NMNAT3: variants seen among roughly 807,000 people sequenced by gnomAD.
NMNAT3 encodes nicotinamide/nicotinic acid mononucleotide adenylyltransferase 3.
Under a neutral mutation model 24.8 loss-of-function variants are expected in NMNAT3, and 21 were observed. The ratio of observed to expected loss-of-function variants is 0.85; its 90% CI spans 0.60 to 1.22. NMNAT3 has a LOEUF of 1.22. Ranked by LOEUF, NMNAT3 falls within the 50% of genes most tolerant of loss-of-function variation. The probability of loss-of-function intolerance (pLI) is 0.00; values close to 1 mark genes in which losing one functional copy is unlikely to be tolerated. For synonymous variants in NMNAT3, 136 were observed against 155.2 expected (o/e 0.88, Z 0.92); for missense variants, 387 against 436.6 (o/e 0.89, Z 1.01).
At chr3:139,562,302 A>T (rs141811759) in intron 6 of NMNAT3, among the ~76,000 whole-genome samples, 24 of 152,246 alleles carry the variant, frequency 1.6e-4, no homozygotes, top group African/African-American at 5.5e-4. Context: ...TGCTGGTGGA[A>T]ATCTGTACCT....
chr3:139,672,898 GC>G (rs2057804677), intron 1 of NMNAT3, among the ~76,000 whole-genome samples: 1 of 152,184 alleles, frequency 6.6e-6, no homozygotes, highest in African/African-American at 2.4e-5. Context: ...CAGGCATGGT[GC>G]CCCTCTGGAG....
chr3:139,607,659 T>C (rs1293052230), intron 3 of NMNAT3, among the ~76,000 whole-genome samples: 1 of 17,696 alleles, frequency 5.7e-5, no homozygotes. Flanking sequence ...TCATTGTATA[T>C]TTAGTTTTCT....
chr3:139,645,707 A>G (rs994792685), intron 1 of NMNAT3, among the ~76,000 whole-genome samples: 10 of 152,174 alleles, frequency 6.6e-5, no homozygotes, highest in Non-Finnish European at 1.5e-5. Flanking sequence ...CACTGGCCAG[A>G]ACACTGTAAC....
At chr3:139,622,370 T>C (rs1483455515) in intron 3 of NMNAT3, among the ~76,000 whole-genome samples, 1 of 149,082 alleles carries the variant, frequency 6.7e-6, no homozygotes, top group East Asian at 2.0e-4. Context: ...TGATGGACGA[T>C]TGTATATTTT....
At chr3:139,664,339 C>T (rs139280021) in intron 1 of NMNAT3, among the ~76,000 whole-genome samples, 5 of 152,258 alleles carry the variant, frequency 3.3e-5, no homozygotes, top group East Asian at 1.9e-4. Flanking sequence ...TGCTAGACTA[C>T]GATTCCTCAT....
chr3:139,596,509 T>C (rs912355165), intron 3 of NMNAT3, among the ~76,000 whole-genome samples: 3 of 152,204 alleles, frequency 2.0e-5, no homozygotes, highest in Non-Finnish European at 2.9e-5. Flanking sequence ...TTTTTGTTTT[T>C]ACCTTATATT....
chr3:139,653,972 C>T (rs551702712), intron 1 of NMNAT3, among the ~76,000 whole-genome samples: 2 of 152,256 alleles, frequency 1.3e-5, no homozygotes, highest in South Asian at 4.1e-4. Context: ...GCCCTCTGAC[C>T]AGCGCTTCTG....
chr3:139,578,057 T>G (rs1472222575), intron 5 of NMNAT3, among the ~76,000 whole-genome samples: 1 of 152,150 alleles, frequency 6.6e-6, no homozygotes. Context: ...ACACAGCAAT[T>G]TGCAATCCCT....
intron 1 of NMNAT3, among the ~76,000 whole-genome samples, chr3:139,648,735 C>T (rs1402275739): frequency 6.6e-6 from 1 of 152,154 alleles, no homozygotes; most frequent in Non-Finnish European, 1.5e-5. Context: ...AAATTAGAGA[C>T]CCCACTGTCT....
chr3:139,669,478 GAAA>G lies in NMNAT3; in HGVS notation c.-141+8224_-141+8226del, dbSNP rs61403161. On this transcript the variant is annotated intron_variant, in intron 1 of 6. Coordinates refer to ENST00000643695, the MANE Select transcript of NMNAT3 (RefSeq NM_001320510.2). ...GGCAACAGAGTGAGACCCTGTCTCAGAAAAAAAAAAAAAAAAAAAAAAAAGATT... is the reference window on the plus strand; with the variant it reads ...GGCAACAGAGTGAGACCCTGTCTCAGAAAAAAAAAAAAAAAAAAAAAGATT... Among the ~76,000 whole-genome samples, 51 of 59,322 alleles carry G rather than the reference GAAA, an allele frequency of 8.6e-4. No individual in the cohort carries two copies. The East Asian group carries it at 0.024, about 28-fold the overall frequency. 38.9% of individuals were successfully genotyped at this position (59,322 alleles called of 152,430 possible). A position where few individuals can be genotyped will look rare whatever the true frequency, so the allele number is the denominator to read the frequency against.
At chr3:139,675,184 A>G (rs2057891813) in intron 1 of NMNAT3, among the ~76,000 whole-genome samples, 1 of 151,702 alleles carries the variant, frequency 6.6e-6, no homozygotes, top group Non-Finnish European at 1.5e-5. Flanking sequence ...ACCATGAAAA[A>G]TCTGCCTCTT....
chr3:139,604,865 G>GA (rs869288976), intron 3 of NMNAT3, among the ~76,000 whole-genome samples: 54 of 152,146 alleles, frequency 3.5e-4, no homozygotes, highest in Admixed American at 5.9e-4. Context: ...TCTAAGGGGG[G>GA]AAAAAAGACA....
At chr3:139,581,855 G>A (rs1225257782) in intron 4 of NMNAT3, among the ~76,000 whole-genome samples, 3 of 151,896 alleles carry the variant, frequency 2.0e-5, no homozygotes, top group African/African-American at 4.8e-5. Context: ...TGAAACATAC[G>A]TAGTTTATTA....
At chr3:139,644,625 A>C (rs2056811529) in intron 1 of NMNAT3, among the ~76,000 whole-genome samples, 1 of 152,300 alleles carries the variant, frequency 6.6e-6, no homozygotes, top group South Asian at 2.1e-4. Flanking sequence ...AGCTCTAAGA[A>C]AAAAGGACCA....
chr3:139,561,473 A>C (rs1936371891), intron 6 of NMNAT3, 81 bp from the exon 7 acceptor site: 13 of 1,347,028 alleles, frequency 9.7e-6, no homozygotes, highest in Non-Finnish European at 1.2e-5. Flanking sequence ...AGTCTCACAA[A>C]ATGCTTTTCT....
chr3:139,561,505 G>T, intron 6 of NMNAT3, 113 bp from the exon 7 acceptor site: 1 of 983,196 alleles, frequency 1.0e-6, no homozygotes, highest in Non-Finnish European at 1.5e-6. Flanking sequence ...AGAACTCAGT[G>T]TCTCCATGTT....
At chr3:139,674,390 GGA>G (rs2057857436) in intron 1 of NMNAT3, among the ~76,000 whole-genome samples, 1 of 152,154 alleles carries the variant, frequency 6.6e-6, no homozygotes, top group South Asian at 2.1e-4. Flanking sequence ...CAATGGGGCA[GGA>G]GCTGCCATCC....
At chr3:139,580,732 T>G (rs1940059563) in intron 4 of NMNAT3, among the ~76,000 whole-genome samples, 1 of 152,218 alleles carries the variant, frequency 6.6e-6, no homozygotes, top group Non-Finnish European at 1.5e-5. Context: ...TTCATTATGA[T>G]TTTGGCAACT....
chr3:139,659,015 T>C (rs928665763), intron 1 of NMNAT3, among the ~76,000 whole-genome samples: 1 of 152,216 alleles, frequency 6.6e-6, no homozygotes, highest in Non-Finnish European at 1.5e-5. Context: ...TAAATATAAA[T>C]AGAATCACAC....
Sources: allele counts gnomAD v4.1 joint callset (sites outside exome capture counted in the v4.1 genomes callset), GRCh38; gene constraint gnomAD v4.1.1; transcripts MANE v1.5; gene names NCBI Gene and HGNC (gene_info 2026-07-23, HGNC 2026-07-21).